TNPO3: variants seen among roughly 807,000 people sequenced by gnomAD.
The protein encoded by TNPO3 is transportin 3.
A neutral mutation model predicts 122.8 loss-of-function variants in TNPO3; 65 were observed. The observed-to-expected ratio is 0.53, with a 90% CI of 0.43 to 0.65. TNPO3 has a LOEUF of 0.65. Among genes scored for constraint, TNPO3 ranks in the 30% least tolerant of loss-of-function variants. The pLI is 0.00. For missense variants in TNPO3, 850 were observed against 1,136.7 expected (o/e 0.75, Z 3.63); for synonymous variants, 372 against 411.2 (o/e 0.90, Z 1.15).
In TNPO3 at chr7:128,972,459, T is replaced by C. The variant is rs1563089041; in HGVS notation, c.2397A>G (p.Leu799=). ...CTACCCCTGTATGAATGAGGTCTCG[T>C]AGAAACCTCATGACACTACAATTGG... ...RDANCSVMRF[L]RDLIHTGVAN... The change falls in exon 19 of 23, where the codon CTA becomes CTG. Residue 799 remains leucine (L), a synonymous_variant. Transcript: ENST00000265388. The C allele has an allele frequency of 7.4e-6, 12 of 1,614,016 alleles. No individual in the cohort carries two copies. Among genetic ancestry groups the C allele is most frequent in the Non-Finnish European group, 9.3e-6 (11 of 1,179,968 alleles).
chr7:129,042,085 A>G (rs1807445896), intron 1 of TNPO3, among the ~76,000 whole-genome samples: 1 of 152,222 alleles, frequency 6.6e-6, no homozygotes, highest in Non-Finnish European at 1.5e-5. Flanking sequence ...CAAGAATTAG[A>G]AGCAGATTAC....
chr7:129,032,860 C>G (rs745754875), intron 1 of TNPO3, among the ~76,000 whole-genome samples: 1 of 152,036 alleles, frequency 6.6e-6, no homozygotes, highest in Non-Finnish European at 1.5e-5. Context: ...GTTTCCTTCA[C>G]GTGGAATCTC....
At chr7:129,042,191 AAAGTTCTGG>A (rs2150538679) in intron 1 of TNPO3, among the ~76,000 whole-genome samples, 1 of 152,362 alleles carries the variant, frequency 6.6e-6, no homozygotes, top group African/African-American at 2.4e-5. Flanking sequence ...AATAGAAAAT[AAAGTTCTGG>A]AAATACAGAT....
intron 21 of TNPO3, among the ~76,000 whole-genome samples, chr7:128,959,594 G>A (rs1255449435): frequency 6.6e-6 from 1 of 152,180 alleles, no homozygotes; most frequent in Admixed American, 6.5e-5. Flanking sequence ...GTGCGATAGG[G>A]TGAAATGAGG....
At chr7:129,023,623 A>T (rs1804787135) in intron 1 of TNPO3, among the ~76,000 whole-genome samples, 1 of 152,196 alleles carries the variant, frequency 6.6e-6, no homozygotes, top group Non-Finnish European at 1.5e-5. Flanking sequence ...GGAGGCAACC[A>T]GCTGGCCAGA....
At chr7:129,034,373 G>C (rs1373976896) in intron 1 of TNPO3, among the ~76,000 whole-genome samples, 1 of 152,092 alleles carries the variant, frequency 6.6e-6, no homozygotes, top group Non-Finnish European at 1.5e-5. Context: ...CATGTCTGTA[G>C]TCCCAGCTAC....
At chr7:129,026,807 T>C (rs1805236049) in intron 1 of TNPO3, among the ~76,000 whole-genome samples, 1 of 152,186 alleles carries the variant, frequency 6.6e-6, no homozygotes, top group South Asian at 2.1e-4. Context: ...TTGCAAAATG[T>C]TTTTTGACAG....
chr7:129,001,954 GAC>G (rs1801994495), intron 5 of TNPO3, among the ~76,000 whole-genome samples: 1 of 152,120 alleles, frequency 6.6e-6, no homozygotes, highest in African/African-American at 2.4e-5. Context: ...AAGTATCAAA[GAC>G]ACATACCTAA....
chr7:129,042,607 C>T (rs774842867), intron 1 of TNPO3, among the ~76,000 whole-genome samples: 1 of 151,934 alleles, frequency 6.6e-6, no homozygotes, highest in Non-Finnish European at 1.5e-5. Flanking sequence ...GAGAATTTTA[C>T]AAAACGAGAT....
At chr7:128,961,563 T>C (rs1419633829) in intron 21 of TNPO3, among the ~76,000 whole-genome samples, 1 of 152,236 alleles carries the variant, frequency 6.6e-6, no homozygotes, top group East Asian at 1.9e-4. Flanking sequence ...GTATTTTCTG[T>C]CTCGGTCCTT....
upstream of TNPO3, chr7:129,055,977 T>C: frequency 1.3e-6 from 1 of 754,282 alleles, no homozygotes; most frequent in South Asian, 1.5e-5. Context: ...AAAACCCGTT[T>C]TAGGCGCTGA....
intron 8 of TNPO3, among the ~76,000 whole-genome samples, chr7:128,995,469 A>G (rs1029889054): frequency 8.5e-5 from 13 of 152,234 alleles, no homozygotes; most frequent in African/African-American, 2.9e-4. Flanking sequence ...TGAAGGAATG[A>G]GGAGGAAACG....
chr7:129,042,207 A>C (rs1807462511), intron 1 of TNPO3, among the ~76,000 whole-genome samples: 1 of 152,250 alleles, frequency 6.6e-6, no homozygotes, highest in South Asian at 2.1e-4. Context: ...CTGGAAATAC[A>C]GATAATTCAA....
chr7:128,986,367 T>C (rs1320312983), intron 12 of TNPO3, among the ~76,000 whole-genome samples: 3 of 152,350 alleles, frequency 2.0e-5, no homozygotes, highest in South Asian at 4.1e-4. Flanking sequence ...CCATGTATAC[T>C]ACCTTTCAAC....
chr7:128,975,959 T>C (rs1241074212), intron 16 of TNPO3, 24 bp from the exon 17 acceptor site: 3 of 1,506,370 alleles, frequency 2.0e-6, no homozygotes, highest in Non-Finnish European at 2.8e-6. Context: ...AAACAATTAG[T>C]TCAATGCTTC....
At chr7:129,048,097 C>T (rs979864634) in intron 1 of TNPO3, among the ~76,000 whole-genome samples, 3 of 152,156 alleles carry the variant, frequency 2.0e-5, no homozygotes, top group African/African-American at 7.2e-5. Flanking sequence ...TGGTGCATGC[C>T]TGTAGTCCCA....
chr7:128,969,806 C>T (rs1798280312), intron 20 of TNPO3, among the ~76,000 whole-genome samples: 1 of 152,198 alleles, frequency 6.6e-6, no homozygotes, highest in East Asian at 1.9e-4. Context: ...GGATTAAATA[C>T]TTCTTGAGTA....
intron 1 of TNPO3, among the ~76,000 whole-genome samples, chr7:129,033,970 G>C (rs999846874): frequency 6.7e-6 from 1 of 149,624 alleles, no homozygotes; most frequent in Non-Finnish European, 1.5e-5. Context: ...TTCAACTGCA[G>C]CCAACTGCAG....
At chr7:129,033,847 A>T (rs1204831822) in intron 1 of TNPO3, among the ~76,000 whole-genome samples, 1 of 151,536 alleles carries the variant, frequency 6.6e-6, no homozygotes, top group Non-Finnish European at 1.5e-5. Context: ...CGGGAGGCCA[A>T]GGTTGCAGTG....
Sources: allele counts gnomAD v4.1 joint callset (sites outside exome capture counted in the v4.1 genomes callset), GRCh38; gene constraint gnomAD v4.1.1; transcripts MANE v1.5; gene names NCBI Gene and HGNC (gene_info 2026-07-23, HGNC 2026-07-21).